RRAS: variants seen among roughly 807,000 people sequenced by gnomAD.
RRAS encodes the protein ras-related protein R-Ras.
A neutral mutation model predicts 23.3 loss-of-function variants in RRAS; 18 were observed. That is an observed-to-expected ratio of 0.77 (90% CI 0.53 to 1.15). The LOEUF (loss-of-function observed/expected upper bound fraction) is 1.15. Among genes scored for constraint, RRAS ranks in the 50% most tolerant of loss-of-function variants. The probability of loss-of-function intolerance (pLI) is 0.00; values close to 1 mark genes in which losing one functional copy is unlikely to be tolerated. For synonymous variants in RRAS, 133 were observed against 138.3 expected, an observed-to-expected ratio of 0.96 and a Z score of 0.27; for missense variants, 291 against 317.1, an observed-to-expected ratio of 0.92 and a Z score of 0.62.
chr19:49,636,771 C>T lies in RRAS; in HGVS notation c.345-44G>A, dbSNP rs1465689816. 8 of 1,607,628 alleles carry T rather than the reference C, an allele frequency of 5.0e-6. No individual in the cohort carries two copies. Among genetic ancestry groups the T allele is most frequent in the Non-Finnish European group, 6.8e-6 (8 of 1,174,988 alleles). ...GCATGAGGTCCAGCCAGCTGCAGAG[C>T]CCAGGTCCTCCCCACACCCACCCAC... On this transcript the variant is annotated intron_variant, in intron 3 of 5. Coordinates refer to ENST00000246792, the MANE Select transcript of RRAS (RefSeq NM_006270.5). The surrounding 1 kb of genome is among the most constrained non-coding windows in gnomAD (Gnocchi z 4.5).
rs757157570 is a variant in RRAS, at chr19:49,636,580, G to C, written c.453+39C>G. 9.6e-6 allele frequency: 14 copies of C among 1,459,882 alleles called. No individual in the cohort carries two copies. The highest frequency in any genetic ancestry group is 1.3e-5 in the Non-Finnish European group (13 of 1,039,502). The allele number at this position is 1,459,882 out of a possible 1,614,324, so 90.4% of individuals were successfully genotyped here. ...CAGGTGTGCTGGAAGGAGCCTCCCA[G>C]ACTGAGATGGGGTCCCCAGAAAGAG... On this transcript the variant is annotated intron_variant, in intron 4 of 5. Coordinates refer to ENST00000246792, the MANE Select transcript of RRAS (RefSeq NM_006270.5). This position sits in a 1 kb window ranked among gnomAD's most constrained non-coding sequence, Gnocchi z 4.5.
Position 49,635,363 on chromosome 19 carries a change from C to A in RRAS, c.*213G>T, listed in dbSNP as rs891848397. On this transcript the variant is annotated 3_prime_UTR_variant, in exon 6 of 6. Coordinates refer to ENST00000246792, the MANE Select transcript of RRAS (RefSeq NM_006270.5). ...ACAGCAGTGACCCGGAGCCCCTCAC[C>A]CCCACCAGGCTTAGGTGGGGACAGG... The A allele has an allele frequency of 3.4e-5, 13 of 383,846 alleles. No homozygotes were observed. Among genetic ancestry groups the A allele is most frequent in the African/African-American group, 2.7e-4 (13 of 48,360 alleles). The allele number at this position is 383,846 out of a possible 1,614,324, so 23.8% of individuals were successfully genotyped here.
intron 1 of RRAS, among the ~76,000 whole-genome samples, chr19:49,639,614 TG>T (rs1302425508): frequency 3.3e-5 from 5 of 151,712 alleles, no homozygotes; most frequent in Non-Finnish European, 7.4e-5. Context: ...GTGGGGGTCC[TG>T]GGAGTGCTTA....
intron 1 of RRAS, 66 bp from the exon 2 acceptor site, chr19:49,637,196 G>T: frequency 1.7e-6 from 2 of 1,198,488 alleles, no homozygotes; most frequent in South Asian, 1.3e-5. Flanking sequence ...CCTGCCCTTG[G>T]GATGCCTCTC....
At chr19:49,639,298 G>A (rs538621337) in intron 1 of RRAS, among the ~76,000 whole-genome samples, 1 of 152,002 alleles carries the variant, frequency 6.6e-6, no homozygotes, top group African/African-American at 2.4e-5. Flanking sequence ...GGTGGCACTC[G>A]CCTGTAGTCT....
chr19:49,635,950 AC>A, intron 4 of RRAS, 98 bp from the exon 5 acceptor site: 4 of 588,386 alleles, frequency 6.8e-6, no homozygotes, highest in Non-Finnish European at 1.2e-5. Flanking sequence ...AGGAGAGGTG[AC>A]CCACTGTGAG....
In RRAS at chr19:49,637,088, A is replaced by G. The variant is rs745338689; in HGVS notation, c.196T>C (p.Tyr66His). ...CCATCCACACTGCAGATCTTCGTGT[A>G]GGAGTCCTCAATAGTGGGGTCGTAG... ...SDYDPTIEDS[Y>H]TKICSVDGIP... The change falls in exon 2 of 6, where the codon TAC becomes CAC. Residue 66 changes from tyrosine (Y) to histidine (H), a missense_variant. Transcript: ENST00000246792. 8 of 1,613,488 alleles carry G rather than the reference A, an allele frequency of 5.0e-6. No homozygotes were observed. Among genetic ancestry groups the G allele is most frequent in the Non-Finnish European group, 6.8e-6 (8 of 1,179,976 alleles).
In RRAS at chr19:49,635,822, C is replaced by A; in HGVS notation, c.484G>T (p.Ala162Ser). ...VPRSEASAFG[A>S]SHHVAYFEAS... ...TCAAAGTAGGCCACGTGGTGGGAGGCGCCGAAGGCAGAGGCTTCTGATCGG... is the reference window on the plus strand; with the variant it reads ...TCAAAGTAGGCCACGTGGTGGGAGGAGCCGAAGGCAGAGGCTTCTGATCGG... The change falls in exon 5 of 6, where the codon GCC becomes TCC. Residue 162 changes from alanine (A) to serine (S), a missense_variant. By Grantham distance (99) the Ala-to-Ser change is moderately conservative. Coordinates refer to ENST00000246792, the MANE Select transcript of RRAS (RefSeq NM_006270.5). The A allele has an allele frequency of 1.3e-6, 2 of 1,580,744 alleles. No individual in the cohort carries two copies. Among genetic ancestry groups the A allele is most frequent in the Admixed American group, 1.7e-5 (1 of 58,736 alleles).
Position 49,635,480 on chromosome 19 carries a change from G to T in RRAS, c.*96C>A. On this transcript the variant is annotated 3_prime_UTR_variant, in exon 6 of 6. Transcript: ENST00000246792. ...GATGTGTCCTGGGAGACCCAGATGAGGAAATTGAGGCTCAGTGAGGGCCTC... is the reference window on the plus strand; with the variant it reads ...GATGTGTCCTGGGAGACCCAGATGATGAAATTGAGGCTCAGTGAGGGCCTC... 1 of 722,094 alleles carries T rather than the reference G, an allele frequency of 1.4e-6. No homozygotes were observed. Among genetic ancestry groups the T allele is most frequent in the Non-Finnish European group, 2.1e-6 (1 of 472,690 alleles). 44.7% of individuals were successfully genotyped at this position (722,094 alleles called of 1,614,324 possible).
Position 49,635,772 on chromosome 19 carries a change from G to A in RRAS, c.534C>T (p.Asn178=), listed in dbSNP as rs773121618. ...YFEASAKLRL[N]VDEAFEQLVR... ...CCAGCTGCTCAAAAGCCTCGTCCACGTTGAGACGCAGTTTGGCCGAGGCCT... is the reference window on the plus strand; with the variant it reads ...CCAGCTGCTCAAAAGCCTCGTCCACATTGAGACGCAGTTTGGCCGAGGCCT... Residue 178 remains asparagine (N), a synonymous_variant, in exon 5 of 6, where the codon AAC becomes AAT. Coordinates refer to ENST00000246792, the MANE Select transcript of RRAS (RefSeq NM_006270.5). The A allele has an allele frequency of 3.2e-6, 5 of 1,584,018 alleles. No homozygotes were observed. Among genetic ancestry groups the A allele is most frequent in the Admixed American group, 1.7e-5 (1 of 59,078 alleles).
chr19:49,636,100 G>T lies in RRAS; in HGVS notation c.454-248C>A, dbSNP rs1416603474. Among the ~76,000 whole-genome samples the T allele has an allele frequency of 6.6e-6, 1 of 152,188 alleles. No individual in the cohort carries two copies. The highest frequency in any genetic ancestry group is 1.5e-5 in the Non-Finnish European group (1 of 68,028). On this transcript the variant is annotated intron_variant, in intron 4 of 5. Transcript: ENST00000246792. This position sits in a 1 kb window ranked among gnomAD's most constrained non-coding sequence, Gnocchi z 4.5. ...TAGATAACCAGGAGTGGGCAGGCAG[G>T]GAAGTCAGGGTGTTCCCGGCAGAGG...
chr19:49,639,905 C>A, intron 1 of RRAS, 41 bp downstream of exon 1: 3 of 1,538,504 alleles, frequency 1.9e-6, no homozygotes, highest in Admixed American at 3.8e-5. Context: ...GGGCTCAGTT[C>A]TGGGTCCCGG....
chr19:49,640,104 C>T lies in RRAS; in HGVS notation c.-6G>A. ...GACGCCGCCCCGCTGCTCATGTCGC[C>T]ACCGCTGCTGCTGCCTTCGCTACCG... On this transcript the variant is annotated 5_prime_UTR_variant, in exon 1 of 6. Coordinates refer to ENST00000246792, the MANE Select transcript of RRAS (RefSeq NM_006270.5). The T allele has an allele frequency of 7.2e-7, 1 of 1,382,500 alleles. No individual in the cohort carries two copies. The highest frequency in any genetic ancestry group is 9.3e-7 in the Non-Finnish European group (1 of 1,080,020). The allele number at this position is 1,382,500 out of a possible 1,614,324, so 85.6% of individuals were successfully genotyped here.
intron 1 of RRAS, among the ~76,000 whole-genome samples, chr19:49,639,510 C>A (rs1341686628): frequency 6.6e-6 from 1 of 151,294 alleles, no homozygotes; most frequent in East Asian, 1.9e-4. Context: ...TGGCATTCTC[C>A]CAGGAAGGCT....
chr19:49,637,128 G>A lies in RRAS; in HGVS notation c.156C>T (p.Ser52=), dbSNP rs759625940. Residue 52 remains serine (S), a splice_region_variant and synonymous_variant, in exon 2 of 6, where the codon TCC becomes TCT. Transcript: ENST00000246792. ...TGGGGTCGTAGTCAGACACGAAGTA[G>A]GACTGGCGGGGTGGGGAGAGGATAG... is the stretch of plus-strand genomic sequence containing the variant. The part of the protein sequence containing the change: ...KSALTIQFIQ[S]YFVSDYDPTI... 25 of 1,610,800 alleles carry A rather than the reference G, an allele frequency of 1.6e-5. No homozygotes were observed. Among genetic ancestry groups the A allele is most frequent in the Non-Finnish European group, 2.0e-5 (23 of 1,178,778 alleles).
chr19:49,640,088 C>G lies in RRAS; in HGVS notation c.11G>C (p.Gly4Ala), dbSNP rs1201865280. The change falls in exon 1 of 6, where the codon GGG becomes GCG. Residue 4 changes from glycine (G) to alanine (A), a missense_variant. Physicochemically the swap from Gly to Ala is moderately conservative, Grantham distance 60. Coordinates refer to ENST00000246792, the MANE Select transcript of RRAS (RefSeq NM_006270.5). ...CCCCCGCCCTGTCCCGGACGCCGCC[C>G]CGCTGCTCATGTCGCCACCGCTGCT... The part of the protein sequence containing the change: MSS[G>A]AASGTGRGRP... 3 of 1,397,284 alleles carry G rather than the reference C, an allele frequency of 2.1e-6. No homozygotes were observed. The highest frequency in any genetic ancestry group is 1.6e-5 in the South Asian group (1 of 63,242). The allele number at this position is 1,397,284 out of a possible 1,614,324, so 86.6% of individuals were successfully genotyped here. A position where few individuals can be genotyped will look rare whatever the true frequency, so the allele number is the denominator to read the frequency against.
intron 1 of RRAS, among the ~76,000 whole-genome samples, chr19:49,638,106 G>A (rs575810396): frequency 1.1e-3 from 169 of 151,690 alleles, no homozygotes; most frequent in African/African-American, 3.9e-3. Flanking sequence ...CTCCTCCCCC[G>A]TCTCCTTCTC....
intron 1 of RRAS, 54 bp from the exon 2 acceptor site, chr19:49,637,184 G>A (rs2081001038): frequency 7.3e-7 from 1 of 1,379,178 alleles, no homozygotes; most frequent in Admixed American, 1.9e-5. Context: ...ACAGGACGAA[G>A]CCCTGCCCTT....
At position 49,640,028 on chromosome 19, in the gene RRAS, G is replaced by A. The variant is rs1251097384; in HGVS notation, c.71C>T (p.Pro24Leu). 6.5e-7 allele frequency: 1 copy of A among 1,548,534 alleles called. No individual in the cohort carries two copies. Among genetic ancestry groups the A allele is most frequent in the South Asian group, 1.2e-5 (1 of 86,220 alleles). The change falls in exon 1 of 6, where the codon CCC (proline) becomes CTC (leucine). Residue 24 changes from proline (P) to leucine (L), a missense_variant. By Grantham distance (98) the Pro-to-Leu change is moderately conservative (BLOSUM62 -3). Coordinates refer to ENST00000246792, the MANE Select transcript of RRAS (RefSeq NM_006270.5). ...CAGCTTGTGTGTCTCGCTGGGCGGG[G>A]GGTCCCCGGGCCCAGGTCCCCCGCC... ...PRGGGPGPGDPPPSETHKLVV... is the reference protein window; with the variant it reads ...PRGGGPGPGDLPPSETHKLVV...
Sources: gnomAD v4.1 joint callset for allele counts (sites outside exome capture counted in the v4.1 genomes callset) on GRCh38, gnomAD v4.1.1 for gene constraint, Gnocchi (gnomAD v3.1) non-coding constraint, MANE v1.5 for transcripts, NCBI Gene and HGNC (gene_info 2026-07-23, HGNC 2026-07-21) for gene names.